The following FAM241A variants were observed in gnomAD, a reference collection of about 807,000 sequenced individuals.
FAM241A encodes the protein family with sequence similarity 241 member A, also known as uncharacterized protein FAM241A.
In FAM241A, 7 loss-of-function variants were observed where a neutral mutation model predicts 12.2. The observed-to-expected ratio is 0.58, with a 90% confidence interval of 0.33 to 1.08. FAM241A has a LOEUF of 1.08. Ranked by LOEUF, FAM241A falls within the 50% of genes least tolerant of loss-of-function variation. The pLI is 0.04. For missense variants in FAM241A, 161 were observed against 169.7 expected, an observed-to-expected ratio of 0.95 and a Z score of 0.29; for synonymous variants, 74 against 68.2, an observed-to-expected ratio of 1.08 and a Z score of -0.42.
At chr4:112,171,647 T>C (rs1405183342) in intron 1 of FAM241A, 7 of 494,306 alleles carry the variant, frequency 1.4e-5, no homozygotes, top group Admixed American at 9.5e-5. Context: ...ATCACGAGGT[T>C]AGGAGATCGA....
chr4:112,190,254 T>G lies in FAM241A; in HGVS notation c.*3316T>G, dbSNP rs944461564. The G allele has an allele frequency of 5.9e-5, 9 of 152,214 alleles. No individual in the cohort carries two copies. The highest frequency in any genetic ancestry group is 2.2e-4 in the African/African-American group (9 of 41,458). The allele number at this position is 152,214 out of a possible 1,614,324, so 9.4% of individuals were successfully genotyped here. ...AGCTCAAAATAGTCAAAGCCAGGTT[T>G]GGAGCAATCAAAGGCTATTCGTGTG... On this transcript the variant is annotated 3_prime_UTR_variant, in exon 2 of 2. Coordinates refer to ENST00000309733, the MANE Select transcript of FAM241A (RefSeq NM_152400.3).
chr4:112,158,884 A>C (rs1358278909), intron 1 of FAM241A, among the ~76,000 whole-genome samples: 1 of 152,094 alleles, frequency 6.6e-6, no homozygotes, highest in Non-Finnish European at 1.5e-5. Context: ...TATACAATAT[A>C]TTGCTGTTAA....
chr4:112,167,978 A>T (rs1212179672), intron 1 of FAM241A, among the ~76,000 whole-genome samples: 1 of 152,242 alleles, frequency 6.6e-6, no homozygotes, highest in African/African-American at 2.4e-5. Flanking sequence ...CAAATCAGTC[A>T]GGTCTGTGCA....
intron 1 of FAM241A, among the ~76,000 whole-genome samples, chr4:112,161,473 G>A (rs1257968690): frequency 6.6e-6 from 1 of 152,152 alleles, no homozygotes; most frequent in African/African-American, 2.4e-5. Context: ...AAATGATAAA[G>A]GGGTATCACC....
chr4:112,182,240 A>G (rs1184800217), intron 1 of FAM241A, among the ~76,000 whole-genome samples: 1 of 152,186 alleles, frequency 6.6e-6, no homozygotes, highest in Non-Finnish European at 1.5e-5. Context: ...CGTCCTCACA[A>G]ATCAGCCAGA....
Position 112,187,132 on chromosome 4 carries a change from G to C in FAM241A, c.*194G>C. 5.0e-6 allele frequency: 3 copies of C among 598,740 alleles called. No individual in the cohort carries two copies. Among genetic ancestry groups the C allele is most frequent in the Non-Finnish European group, 8.6e-6 (3 of 347,288 alleles). The allele number at this position is 598,740 out of a possible 1,614,324, so 37.1% of individuals were successfully genotyped here. A position where few individuals can be genotyped will look rare whatever the true frequency, so the allele number is the denominator to read the frequency against. On this transcript the variant is annotated 3_prime_UTR_variant, in exon 2 of 2. Transcript: ENST00000309733. Reference sequence around the variant, plus strand: ...CATAACAGGGTTGAATATATATTTTGAATATACATTAGCTTATTCAAAACT... The same window carrying C: ...CATAACAGGGTTGAATATATATTTTCAATATACATTAGCTTATTCAAAACT...
Position 112,193,475 on chromosome 4 carries a change from T to A in FAM241A, c.*6537T>A, listed in dbSNP as rs1186936453. On this transcript the variant is annotated 3_prime_UTR_variant, in exon 2 of 2. Coordinates refer to ENST00000309733, the MANE Select transcript of FAM241A (RefSeq NM_152400.3). The stretch of plus-strand genomic sequence containing the variant: ...AGGTTTTCTTCTAGGGTTTTTATGG[T>A]TTTAGGTCTGACATGTAAGTCTTTA... The A allele has an allele frequency of 6.6e-6, 1 of 152,196 alleles. No homozygotes were observed. The highest frequency in any genetic ancestry group is 1.5e-5 in the Non-Finnish European group (1 of 68,038). The allele number at this position is 152,196 out of a possible 1,614,324, so 9.4% of individuals were successfully genotyped here. A position where few individuals can be genotyped will look rare whatever the true frequency, so the allele number is the denominator to read the frequency against.
At chr4:112,150,357 G>A (rs1428388332) in intron 1 of FAM241A, among the ~76,000 whole-genome samples, 2 of 151,968 alleles carry the variant, frequency 1.3e-5, no homozygotes, top group African/African-American at 4.8e-5. Flanking sequence ...ATTTTTAACT[G>A]GCCATCTTTC....
intron 1 of FAM241A, among the ~76,000 whole-genome samples, chr4:112,171,936 TCAAGA>T (rs1319602585): frequency 6.6e-6 from 1 of 152,210 alleles, no homozygotes; most frequent in African/African-American, 2.4e-5. Flanking sequence ...TGTAAGTGAA[TCAAGA>T]CAAGTATAAC....
At chr4:112,185,918 A>G (rs1408416840) in intron 1 of FAM241A, among the ~76,000 whole-genome samples, 2 of 152,170 alleles carry the variant, frequency 1.3e-5, no homozygotes, top group Admixed American at 1.3e-4. Flanking sequence ...TTCCTTCTCT[A>G]CCTGTGAAGT....
intron 1 of FAM241A, among the ~76,000 whole-genome samples, chr4:112,157,332 T>A (rs938124681): frequency 6.6e-6 from 1 of 152,158 alleles, no homozygotes; most frequent in African/African-American, 2.4e-5. Context: ...TTGCTCTCAA[T>A]TATCTGTAAT....
chr4:112,147,415 A>G (rs546121628), intron 1 of FAM241A, among the ~76,000 whole-genome samples: 1 of 152,358 alleles, frequency 6.6e-6, no homozygotes, highest in South Asian at 2.1e-4. Context: ...ATTAGCACCA[A>G]AGAAGAATTA....
chr4:112,188,948 A>G lies in FAM241A; in HGVS notation c.*2010A>G, dbSNP rs1724102126. On this transcript the variant is annotated 3_prime_UTR_variant, in exon 2 of 2. Transcript: ENST00000309733. ...ACATATATTATTGGTCAGTACATCA[A>G]ATAATATTTGGCTTTGATATGGGAA... The G allele has an allele frequency of 6.6e-6, 1 of 152,184 alleles. No homozygotes were observed. The highest frequency in any genetic ancestry group is 1.5e-5 in the Non-Finnish European group (1 of 68,032). The allele number at this position is 152,184 out of a possible 1,614,324, so 9.4% of individuals were successfully genotyped here. A position where few individuals can be genotyped will look rare whatever the true frequency, so the allele number is the denominator to read the frequency against.
At chr4:112,145,939 G>C (rs1723127903) in intron 1 of FAM241A, among the ~76,000 whole-genome samples, 1 of 151,792 alleles carries the variant, frequency 6.6e-6, no homozygotes, top group Non-Finnish European at 1.5e-5. Context: ...GAGTGCAGAC[G>C]CCAGCGCCGG....
Position 112,189,365 on chromosome 4 carries a change from C to A in FAM241A, c.*2427C>A. The stretch of plus-strand genomic sequence containing the variant: ...CACTCTGGGTAACAGAGTGAGACCC[C>A]ATCTCAAAAAAAAAAAAAAAAAAAA... On this transcript the variant is annotated 3_prime_UTR_variant, in exon 2 of 2. Transcript: ENST00000309733. 1.0e-5 allele frequency: 1 copy of A among 96,318 alleles called. No homozygotes were observed. The allele number at this position is 96,318 out of a possible 1,614,324, so 6.0% of individuals were successfully genotyped here. A position where few individuals can be genotyped will look rare whatever the true frequency, so the allele number is the denominator to read the frequency against.
rs1229862639 is a variant in FAM241A at position 112,190,998 on chromosome 4, A to G, written c.*4060A>G. 2 of 151,944 alleles carry G rather than the reference A, an allele frequency of 1.3e-5. No homozygotes were observed. The highest frequency in any genetic ancestry group is 2.9e-5 in the Non-Finnish European group (2 of 67,994). 9.4% of individuals were successfully genotyped at this position (151,944 alleles called of 1,614,324 possible). A position where few individuals can be genotyped will look rare whatever the true frequency, so the allele number is the denominator to read the frequency against. ...ATCAGAGCACTGTACAGAATTTAAG[A>G]CTCCTACATTCAATTGCTTGCCCAA... On this transcript the variant is annotated 3_prime_UTR_variant, in exon 2 of 2. Transcript: ENST00000309733.
chr4:112,166,632 G>C (rs1216608712), intron 1 of FAM241A, among the ~76,000 whole-genome samples: 1 of 152,106 alleles, frequency 6.6e-6, no homozygotes, highest in African/African-American at 2.4e-5. Flanking sequence ...TTCAAATCCT[G>C]GCTGGCTGAT....
chr4:112,149,889 C>A (rs1178152352), intron 1 of FAM241A, among the ~76,000 whole-genome samples: 1 of 151,872 alleles, frequency 6.6e-6, no homozygotes, highest in Admixed American at 6.6e-5. Context: ...TCTCTGCTTG[C>A]TATTTACTTT....
chr4:112,150,657 AG>A (rs914056272), intron 1 of FAM241A, among the ~76,000 whole-genome samples: 20 of 151,860 alleles, frequency 1.3e-4, no homozygotes, highest in Non-Finnish European at 2.8e-4. Flanking sequence ...GGGTTCAGTG[AG>A]GGGGGTCCAT....
Sources: allele counts gnomAD v4.1 joint callset (sites outside exome capture counted in the v4.1 genomes callset), GRCh38; gene constraint gnomAD v4.1.1; transcripts MANE v1.5; gene names NCBI Gene and HGNC (gene_info 2026-07-23, HGNC 2026-07-21).